The following ITPR2 variants were observed in gnomAD, a reference collection of about 807,000 sequenced individuals.
ITPR2 encodes the protein inositol 1,4,5-trisphosphate receptor type 2, also known as inositol 1,4,5-trisphosphate-gated calcium channel ITPR2.
Under a neutral mutation model 317.1 loss-of-function variants are expected in ITPR2, and 207 were observed. That is an observed-to-expected ratio of 0.65 (90% confidence interval 0.58 to 0.73). The LOEUF is 0.73. Among genes scored for constraint, ITPR2 ranks in the 30% least tolerant of loss-of-function variants. The probability of loss-of-function intolerance (pLI) is 0.00; values close to 1 mark genes in which losing one functional copy is unlikely to be tolerated. For missense variants in ITPR2, 2,613 were observed against 3,284.0 expected, an observed-to-expected ratio of 0.80 and a Z score of 4.99; for synonymous variants, 1,156 against 1,149.1, an observed-to-expected ratio of 1.01 and a Z score of -0.12.
chr12:26,338,789 C>CA lies in ITPR2; in HGVS notation c.*607dup, dbSNP rs1212466838. On this transcript the variant is annotated 3_prime_UTR_variant, in exon 57 of 57. Coordinates refer to ENST00000381340, the MANE Select transcript of ITPR2 (RefSeq NM_002223.4). ...CCTGTTATGTTGTCAGTGTGAGAGGCAAAAGCTCCAAAGTACTAAGTTCCT... is the reference window on the plus strand; with the variant it reads ...CCTGTTATGTTGTCAGTGTGAGAGGCAAAAAGCTCCAAAGTACTAAGTTCCT... The CA allele has an allele frequency of 6.6e-6, 1 of 152,202 alleles. No individual in the cohort carries two copies. Among genetic ancestry groups the CA allele is most frequent in the Non-Finnish European group, 1.5e-5 (1 of 68,050 alleles). 9.4% of individuals were successfully genotyped at this position (152,202 alleles called of 1,614,324 possible). A position where few individuals can be genotyped will look rare whatever the true frequency, so the allele number is the denominator to read the frequency against.
chr12:26,730,741 G>A (rs899174533), intron 2 of ITPR2, among the ~76,000 whole-genome samples: 2 of 152,128 alleles, frequency 1.3e-5, no homozygotes, highest in African/African-American at 4.8e-5. Flanking sequence ...AAGCCACTCA[G>A]AAGTGTTCAT....
chr12:26,605,261 C>T (rs953731151), intron 26 of ITPR2, among the ~76,000 whole-genome samples: 1 of 151,602 alleles, frequency 6.6e-6, no homozygotes, highest in Non-Finnish European at 1.5e-5. Flanking sequence ...GAGTATAAAA[C>T]AGATTTTCCA....
At chr12:26,809,205 T>C (rs943066541) in intron 1 of ITPR2, among the ~76,000 whole-genome samples, 1 of 152,208 alleles carries the variant, frequency 6.6e-6, no homozygotes, top group African/African-American at 2.4e-5. Flanking sequence ...ATTCAAAAAA[T>C]GCCTTCCAGA....
chr12:26,822,505 TAG>T (rs1950952569), intron 1 of ITPR2, among the ~76,000 whole-genome samples: 2 of 120,806 alleles, frequency 1.7e-5, no homozygotes, highest in East Asian at 8.3e-4. Context: ...TTCATTAAAA[TAG>T]TTCTTAATAG....
intron 23 of ITPR2, among the ~76,000 whole-genome samples, chr12:26,625,504 T>C (rs569609374): frequency 3.9e-5 from 6 of 152,242 alleles, no homozygotes; most frequent in Admixed American, 2.6e-4. Flanking sequence ...TTAAGTCAAT[T>C]AACAGTTTGA....
chr12:26,830,006 T>A (rs11048697), intron 1 of ITPR2, among the ~76,000 whole-genome samples: 3 of 152,054 alleles, frequency 2.0e-5, no homozygotes, highest in Non-Finnish European at 4.4e-5. Flanking sequence ...CAGGTTCAAG[T>A]GATTCTCCTG....
rs1042404912 is a variant in ITPR2, at chr12:26,512,477, C to G, written c.5074-17217G>C. Among the ~76,000 whole-genome samples, 5 of 152,222 alleles carry G rather than the reference C, an allele frequency of 3.3e-5. No homozygotes were observed. The East Asian group carries it at 7.7e-4, about 23-fold the overall frequency. On this transcript the variant is annotated intron_variant, in intron 37 of 56. Coordinates refer to ENST00000381340, the MANE Select transcript of ITPR2 (RefSeq NM_002223.4). The stretch of plus-strand genomic sequence containing the variant: ...AGTGATTATTTCTCTACCCACCCCC[C>G]ACATGTAAATCGTGTATCGAGTGAA...
At chr12:26,580,208 A>G (rs1412760512) in intron 32 of ITPR2, 53 bp from the exon 33 acceptor site, 4 of 1,555,206 alleles carry the variant, frequency 2.6e-6, no homozygotes, top group East Asian at 2.3e-5. Flanking sequence ...TTAAACCACA[A>G]TTCAGTATTG....
rs151014471 is a variant in ITPR2 at position 26,629,601 on chromosome 12, C to T, written c.2935-1439G>A. ...ACCCTGTCTCAAAAAAAAAAAAAAT[C>T]CTCCAAGTTCCAGTTTAAATTCTTT... On this transcript the variant is annotated intron_variant, in intron 22 of 56. Coordinates refer to ENST00000381340, the MANE Select transcript of ITPR2 (RefSeq NM_002223.4). 7.7e-3 allele frequency among the ~76,000 whole-genome samples: 1,155 copies of T among 149,176 alleles called. 4 individuals are homozygous for T. Among genetic ancestry groups the T allele is most frequent in the Admixed American group, 0.012 (188 of 15,078 alleles).
chr12:26,790,653 C>T (rs1950326914), intron 1 of ITPR2, among the ~76,000 whole-genome samples: 1 of 149,666 alleles, frequency 6.7e-6, no homozygotes, highest in South Asian at 2.1e-4. Context: ...TGGAACACAG[C>T]AAAACATTAA....
At chr12:26,791,585 A>G (rs1950341805) in intron 1 of ITPR2, among the ~76,000 whole-genome samples, 1 of 152,184 alleles carries the variant, frequency 6.6e-6, no homozygotes, top group Non-Finnish European at 1.5e-5. Flanking sequence ...TGGTCAAGAA[A>G]TACAGTTCCT....
At chr12:26,580,938 G>A (rs1945389562) in intron 32 of ITPR2, among the ~76,000 whole-genome samples, 1 of 152,110 alleles carries the variant, frequency 6.6e-6, no homozygotes, top group South Asian at 2.1e-4. Context: ...AAAAAAGTTG[G>A]CTGGTGAAAA....
intron 48 of ITPR2, among the ~76,000 whole-genome samples, chr12:26,430,263 A>G (rs539664982): frequency 1.1e-4 from 16 of 152,220 alleles, no homozygotes; most frequent in Non-Finnish European, 1.6e-4. Context: ...GACAAACTCT[A>G]GAGAAGACAG....
intron 28 of ITPR2, among the ~76,000 whole-genome samples, chr12:26,600,688 A>C: frequency 6.8e-6 from 1 of 147,842 alleles, no homozygotes; most frequent in Non-Finnish European, 1.5e-5. Context: ...CATCTATTCC[A>C]TCTCCTCTCT....
rs75946321 is a variant in ITPR2, at chr12:26,805,727, G to A, written c.93-15500C>T. 1.3e-3 allele frequency among the ~76,000 whole-genome samples: 104 copies of A among 78,232 alleles called. 2 individuals carry two copies. Among genetic ancestry groups the A allele is most frequent in the Non-Finnish European group, 1.7e-3 (60 of 35,712 alleles). The allele number at this position is 78,232 out of a possible 152,430, so 51.3% of individuals were successfully genotyped here. On this transcript the variant is annotated intron_variant, in intron 1 of 56. Coordinates refer to ENST00000381340, the MANE Select transcript of ITPR2 (RefSeq NM_002223.4). ...TAGAAAAAAGGAAACATAAAACACG[G>A]CTCTACAGTGGGACCGTGTTCACTA... is the stretch of plus-strand genomic sequence containing the variant.
chr12:26,622,234 T>C lies in ITPR2; in HGVS notation c.3288+6A>G. 6.2e-6 allele frequency: 10 copies of C among 1,605,184 alleles called. No homozygotes were observed. The highest frequency in any genetic ancestry group is 5.1e-6 in the Non-Finnish European group (6 of 1,177,114). ...TGTGGATGCATTGAGGGCTCTTCAA[T>C]CTTACCTGCTTAAATGCCTGTAAAA... is the stretch of plus-strand genomic sequence containing the variant. On this transcript the variant is annotated splice_donor_region_variant and intron_variant, in intron 25 of 56. Transcript: ENST00000381340.
intron 45 of ITPR2, among the ~76,000 whole-genome samples, chr12:26,471,169 A>G (rs1342935094): frequency 1.3e-5 from 2 of 152,204 alleles, no homozygotes; most frequent in Non-Finnish European, 2.9e-5. Context: ...AGCATATAAC[A>G]TTTCTCCATA....
At chr12:26,547,362 TC>T (rs1462179390) in intron 37 of ITPR2, among the ~76,000 whole-genome samples, 7 of 152,120 alleles carry the variant, frequency 4.6e-5, no homozygotes, top group Non-Finnish European at 1.0e-4. Context: ...GTATTATCTT[TC>T]CCCAGCCAGA....
chr12:26,659,113 C>A lies in ITPR2; in HGVS notation c.1886G>T (p.Arg629Met). The A allele has an allele frequency of 1.2e-6, 2 of 1,610,040 alleles. No individual in the cohort carries two copies. The highest frequency in any genetic ancestry group is 1.7e-6 in the Non-Finnish European group (2 of 1,177,342). ...GAATACCGCATGAATCATTTCAAAC[C>A]TTGGCTCCCGATTTCTCCTGAGTAA... Reference protein sequence around the residue: ...VSLLRRNREPRFLDYLSDLCV... With the variant: ...VSLLRRNREPMFLDYLSDLCV... The change falls in exon 16 of 57, where the codon AGG becomes ATG. Residue 629 changes from arginine (R) to methionine (M), a missense_variant and splice_region_variant. Physicochemically the swap from Arg to Met is moderately conservative, Grantham distance 91 (BLOSUM62 -1). Transcript: ENST00000381340.
Sources: allele counts gnomAD v4.1 joint callset (sites outside exome capture counted in the v4.1 genomes callset), GRCh38; gene constraint gnomAD v4.1.1; transcripts MANE v1.5; gene names NCBI Gene and HGNC (gene_info 2026-07-23, HGNC 2026-07-21).